EFL1: variants seen among roughly 807,000 people sequenced by gnomAD.
EFL1 encodes elongation factor-like GTPase 1.
EFL1 carries 76 observed loss-of-function variants against 126.7 expected under a neutral mutation model. The ratio of observed to expected loss-of-function variants is 0.60; its 90% confidence interval spans 0.50 to 0.73. EFL1 has a LOEUF of 0.73. EFL1 is among the 30% of genes least tolerant of loss of function. The pLI is 0.00. For synonymous variants in EFL1, 410 were observed against 448.4 expected (o/e 0.91, Z 1.08); for missense variants, 1,128 against 1,343.2 (o/e 0.84, Z 2.50).
intron 19 of EFL1, among the ~76,000 whole-genome samples, chr15:82,136,671 A>C (rs1008786430): frequency 8.5e-5 from 13 of 152,216 alleles, no homozygotes; most frequent in Admixed American, 7.9e-4. Context: ...CCCATCCCTT[A>C]TATTTCTTAC....
intron 15 of EFL1, among the ~76,000 whole-genome samples, chr15:82,189,575 A>G (rs927180578): frequency 6.6e-6 from 1 of 152,090 alleles, no homozygotes; most frequent in African/African-American, 2.4e-5. Context: ...TTAGTCTTCA[A>G]ATTCATATTT....
intron 15 of EFL1, among the ~76,000 whole-genome samples, chr15:82,199,386 T>G (rs541033894): frequency 9.8e-5 from 15 of 152,332 alleles, no homozygotes; most frequent in East Asian, 3.9e-4. Flanking sequence ...GCCAAGGGCA[T>G]AAGTCTTTGT....
chr15:82,132,215 CTGTGTCCTGGT>C (rs1471872140), intron 19 of EFL1, among the ~76,000 whole-genome samples: 1 of 152,092 alleles, frequency 6.6e-6, no homozygotes, highest in Non-Finnish European at 1.5e-5. Context: ...AAGCAGCTGC[CTGTGTCCTGGT>C]GCTGAGGCAG....
At chr15:82,138,424 G>T (rs967805557) in intron 19 of EFL1, among the ~76,000 whole-genome samples, 1 of 112,092 alleles carries the variant, frequency 8.9e-6, no homozygotes, top group African/African-American at 3.6e-5. Context: ...GAGAGAGAGA[G>T]AGTGTATGTG....
intron 3 of EFL1, among the ~76,000 whole-genome samples, chr15:82,255,914 T>C (rs904164136): frequency 1.3e-5 from 2 of 152,208 alleles, no homozygotes; most frequent in Admixed American, 6.5e-5. Flanking sequence ...TATTAATTGG[T>C]TTATTTGCTC....
intron 11 of EFL1, among the ~76,000 whole-genome samples, chr15:82,226,400 T>C (rs1246592102): frequency 6.6e-6 from 1 of 152,048 alleles, no homozygotes; most frequent in Non-Finnish European, 1.5e-5. Context: ...CATTGGGAAA[T>C]AGTTGAATTC....
At chr15:82,219,152 C>T (rs2074681717) in intron 14 of EFL1, among the ~76,000 whole-genome samples, 1 of 152,178 alleles carries the variant, frequency 6.6e-6, no homozygotes, top group African/African-American at 2.4e-5. Context: ...GCCTGTGATC[C>T]CTGTTTCGCC....
chr15:82,235,503 T>C (rs1328138614), intron 7 of EFL1, among the ~76,000 whole-genome samples: 1 of 152,108 alleles, frequency 6.6e-6, no homozygotes, highest in African/African-American at 2.4e-5. Flanking sequence ...AAATCAATTG[T>C]ATATAAAATC....
intron 16 of EFL1, among the ~76,000 whole-genome samples, chr15:82,158,066 G>A (rs1367300391): frequency 6.6e-6 from 1 of 152,062 alleles, no homozygotes; most frequent in African/African-American, 2.4e-5. Context: ...ACATCCGCAA[G>A]CTTACCATCA....
In EFL1 at chr15:82,245,681, C is replaced by G. The variant is rs575972504; in HGVS notation, c.245-4278G>C. On this transcript the variant is annotated intron_variant, in intron 4 of 19. Transcript: ENST00000268206. ...TGGGGTCAGGCACAGTGGCTCATAC[C>G]TATAATCCAAATGCTTTGGAAGGCC... Among the ~76,000 whole-genome samples, 4 of 152,002 alleles carry G rather than the reference C, an allele frequency of 2.6e-5. No individual in the cohort carries two copies. In the East Asian group the frequency reaches 5.8e-4, roughly 22 times the overall value.
At chr15:82,191,415 C>T (rs1252543083) in intron 15 of EFL1, among the ~76,000 whole-genome samples, 1 of 152,114 alleles carries the variant, frequency 6.6e-6, no homozygotes, top group Non-Finnish European at 1.5e-5. Context: ...CCATTACTGG[C>T]CTTTGAAATA....
chr15:82,257,869 C>A (rs1026575380), intron 3 of EFL1, among the ~76,000 whole-genome samples: 5 of 152,216 alleles, frequency 3.3e-5, no homozygotes, highest in Admixed American at 3.3e-4. Context: ...TTTACTATTT[C>A]ATTAATTTAT....
intron 19 of EFL1, among the ~76,000 whole-genome samples, chr15:82,137,711 CA>C (rs986012050): frequency 2.6e-5 from 4 of 152,232 alleles, no homozygotes; most frequent in African/African-American, 9.6e-5. Context: ...TAAACAATAA[CA>C]ACAAAAACTG....
intron 15 of EFL1, among the ~76,000 whole-genome samples, chr15:82,214,393 C>T (rs996344356): frequency 2.0e-5 from 3 of 152,166 alleles, no homozygotes; most frequent in African/African-American, 7.2e-5. Context: ...ATCTGTAGAA[C>T]CAGAAATGCC....
intron 11 of EFL1, among the ~76,000 whole-genome samples, chr15:82,225,982 C>T (rs2074759517): frequency 6.6e-6 from 1 of 151,932 alleles, no homozygotes; most frequent in Admixed American, 6.5e-5. Flanking sequence ...AAGAAAACCA[C>T]AGGAAGTAAG....
intron 7 of EFL1, among the ~76,000 whole-genome samples, chr15:82,234,950 T>C (rs2867642): frequency 2.0e-5 from 3 of 152,164 alleles, no homozygotes; most frequent in Non-Finnish European, 4.4e-5. Flanking sequence ...TGTTGCAGTT[T>C]AAAAAATGTG....
chr15:82,260,074 G>A (rs1450776296), intron 2 of EFL1, among the ~76,000 whole-genome samples: 1 of 152,122 alleles, frequency 6.6e-6, no homozygotes, highest in East Asian at 1.9e-4. Context: ...GTATCCCTAG[G>A]ACCAGAACAA....
At chr15:82,188,895 CA>C (rs2074328717) in intron 15 of EFL1, among the ~76,000 whole-genome samples, 1 of 146,728 alleles carries the variant, frequency 6.8e-6, no homozygotes, top group African/African-American at 2.5e-5. Flanking sequence ...TGAGATTTTG[CA>C]ATGTTAGAGA....
chr15:82,169,718 C>T (rs1293800799), intron 15 of EFL1, among the ~76,000 whole-genome samples: 1 of 151,730 alleles, frequency 6.6e-6, no homozygotes, highest in Non-Finnish European at 1.5e-5. Flanking sequence ...TTCCATTTGG[C>T]GTCTAAGTTT....
Sources: gnomAD v4.1 joint callset for allele counts (sites outside exome capture counted in the v4.1 genomes callset) on GRCh38, gnomAD v4.1.1 for gene constraint, MANE v1.5 for transcripts, NCBI Gene and HGNC (gene_info 2026-07-23, HGNC 2026-07-21) for gene names.